Variants in VPS8 observed in about 807,000 individuals in gnomAD.
VPS8 encodes VPS8 subunit of CORVET complex.
A neutral mutation model predicts 216.4 loss-of-function variants in VPS8; 129 were observed. That is an observed-to-expected ratio of 0.60 (90% CI 0.52 to 0.69). The LOEUF (loss-of-function observed/expected upper bound fraction) is 0.69. Among genes scored for constraint, VPS8 ranks in the 30% least tolerant of loss-of-function variants. VPS8 has a pLI of 0.00. For missense variants in VPS8, 1,531 were observed against 1,683.5 expected (o/e 0.91, Z 1.59); for synonymous variants, 571 against 565.4 (o/e 1.01, Z -0.14).
Position 184,984,194 on chromosome 3 carries a change from A to AAAAAAAAACTCACCAAG in VPS8, c.3585+1100_3585+1101insAAAAAAAACTCACCAAG. 9.2e-4 allele frequency among the ~76,000 whole-genome samples: 43 copies of AAAAAAAAACTCACCAAG among 46,532 alleles called. 15 individuals are homozygous for AAAAAAAAACTCACCAAG. The highest frequency in any genetic ancestry group is 1.5e-3 in the Non-Finnish European group (36 of 24,752). 30.5% of individuals were successfully genotyped at this position (46,532 alleles called of 152,430 possible). A position where few individuals can be genotyped will look rare whatever the true frequency, so the allele number is the denominator to read the frequency against. ...GCGAGACTCCGTCTCAAAAAAAAAAACTCTACTTCCCATCTGATATTAAGC... is the reference window on the plus strand; with the variant it reads ...GCGAGACTCCGTCTCAAAAAAAAAAAAAAAAAAACTCACCAAGCTCTACTTCCCATCTGATATTAAGC... On this transcript the variant is annotated intron_variant, in intron 42 of 47. Transcript: ENST00000625842.
At chr3:184,960,108 G>A (rs545873590) in intron 37 of VPS8, among the ~76,000 whole-genome samples, 519 of 152,074 alleles carry the variant, frequency 3.4e-3, no homozygotes, top group Non-Finnish European at 4.6e-3. Flanking sequence ...TTGTCCTTGC[G>A]ATAGTTTGCT....
chr3:184,981,324 G>A (rs968752097), intron 40 of VPS8, among the ~76,000 whole-genome samples: 1 of 152,132 alleles, frequency 6.6e-6, no homozygotes, highest in African/African-American at 2.4e-5. Context: ...GGCATGACAG[G>A]TGCACATGCT....
intron 46 of VPS8, among the ~76,000 whole-genome samples, chr3:185,033,367 G>C (rs903374454): frequency 7.2e-5 from 11 of 152,192 alleles, no homozygotes; most frequent in African/African-American, 2.4e-4. Flanking sequence ...AGAATGGCAT[G>C]TAATCGCATA....
At chr3:184,851,480 T>TGTGC (rs1233840214) in intron 10 of VPS8, among the ~76,000 whole-genome samples, 1 of 152,228 alleles carries the variant, frequency 6.6e-6, no homozygotes, top group South Asian at 2.1e-4. Context: ...TGTGTGTGTG[T>TGTGC]GTGCGTTTAT....
Position 184,870,773 on chromosome 3 carries a change from G to A in VPS8, c.1702G>A (p.Gly568Arg). 6.2e-7 allele frequency: 1 copy of A among 1,612,270 alleles called. No homozygotes were observed. Among genetic ancestry groups the A allele is most frequent in the Non-Finnish European group, 8.5e-7 (1 of 1,179,132 alleles). The change falls in exon 21 of 48, where the codon GGA becomes AGA. Residue 568 changes from glycine (G) to arginine (R), a missense_variant. Gly to Arg is a moderately radical substitution (Grantham distance 125). This residue lies in a region of VPS8 where 1,318 missense variants were observed against 1,468.4 expected (regional missense o/e 0.90). Transcript: ENST00000625842. The part of the protein sequence containing the change: ...DRALKKCPDQ[G>R]KIQVMEQHFQ... ...AGCTCTGAAAAAGTGCCCAGACCAA[G>A]GAAAAATCCAAGTGATGGAGCAGCA...
chr3:184,888,455 C>T (rs559203435), intron 22 of VPS8, among the ~76,000 whole-genome samples: 1 of 152,264 alleles, frequency 6.6e-6, no homozygotes, highest in South Asian at 2.1e-4. Context: ...GAAAGCAAAG[C>T]GCCATGATAT....
At chr3:184,967,932 A>G (rs73188873) in intron 39 of VPS8, among the ~76,000 whole-genome samples, 31 of 152,274 alleles carry the variant, frequency 2.0e-4, no homozygotes, top group Non-Finnish European at 4.1e-4. Flanking sequence ...GTTCAGTAGC[A>G]TTAAGTATAT....
chr3:185,046,441 T>TTATCCAG (rs1235472841), intron 46 of VPS8, among the ~76,000 whole-genome samples: 1 of 152,218 alleles, frequency 6.6e-6, no homozygotes, highest in Non-Finnish European at 1.5e-5. Context: ...AATCTCATGG[T>TTATCCAG]GCCCACCTCT....
Position 184,924,999 on chromosome 3 carries a change from A to C in VPS8, c.2574+18A>C. ...TTGATCAGGTAAGTGTCTAGCAGTG[A>C]AAACTAAAAGGTTTTTTCCTGTTTA... On this transcript the variant is annotated intron_variant, in intron 30 of 47. Transcript: ENST00000625842. 1.2e-6 allele frequency: 2 copies of C among 1,608,434 alleles called. No individual in the cohort carries two copies. The highest frequency in any genetic ancestry group is 1.7e-6 in the Non-Finnish European group (2 of 1,177,542).
intron 21 of VPS8, among the ~76,000 whole-genome samples, chr3:184,875,989 CAA>C (rs557804099): frequency 3.1e-4 from 42 of 136,316 alleles, no homozygotes; most frequent in Non-Finnish European, 2.6e-4. Context: ...GACCCTGTCT[CAA>C]AAAAAAAAAA....
Position 185,024,352 on chromosome 3 carries a change from C to T in VPS8, c.4019C>T (p.Ser1340Leu), listed in dbSNP as rs1757061034. The part of the protein sequence containing the change: ...ITPSQVKMSP[S>L]YHQSKGDPTA... ...TTTTTCCAGGTAAAAATGTCTCCAT[C>T]GTATCATCAGTCCAAAGGGGATCCC... Residue 1340 changes from serine (S) to leucine (L), a missense_variant, in exon 46 of 48, where the codon TCG becomes TTG. Coordinates refer to ENST00000625842, the MANE Select transcript of VPS8 (RefSeq NM_001009921.3). The T allele has an allele frequency of 2.5e-6, 4 of 1,596,230 alleles. No homozygotes were observed. Among genetic ancestry groups the T allele is most frequent in the South Asian group, 1.1e-5 (1 of 87,542 alleles).
intron 14 of VPS8, among the ~76,000 whole-genome samples, chr3:184,857,882 C>T (rs1318444855): frequency 7.2e-5 from 11 of 152,158 alleles, no homozygotes; most frequent in Non-Finnish European, 1.5e-4. Context: ...AGATATATGG[C>T]TCTAGATCCC....
At chr3:184,915,328 A>G (rs184717110) in intron 27 of VPS8, 27 bp from the exon 28 acceptor site, 64 of 1,606,188 alleles carry the variant, frequency 4.0e-5, no homozygotes, top group Non-Finnish European at 5.3e-5. Flanking sequence ...GTGAGAAAAT[A>G]ATCAACATTT....
intron 30 of VPS8, 143 bp downstream of exon 30, chr3:184,925,124 A>AG: frequency 7.1e-6 from 8 of 1,130,008 alleles, no homozygotes; most frequent in South Asian, 3.3e-5. Context: ...GATCTAAGTT[A>AG]GGGGGGTATG....
intron 28 of VPS8, among the ~76,000 whole-genome samples, chr3:184,918,707 T>C (rs1372883986): frequency 1.3e-5 from 2 of 152,226 alleles, no homozygotes; most frequent in African/African-American, 4.8e-5. Flanking sequence ...GTGTTAATTC[T>C]CCATGGTTTT....
At chr3:184,940,108 A>G in intron 35 of VPS8, 89 bp from the exon 36 acceptor site, 1 of 587,888 alleles carries the variant, frequency 1.7e-6, no homozygotes, top group Non-Finnish European at 2.7e-6. Flanking sequence ...CTGTGCATAA[A>G]GGGATAGGTT....
rs1236203181 is a variant in VPS8 at position 184,862,932 on chromosome 3, C to T, written c.1260C>T (p.Ser420=). 27 of 1,613,650 alleles carry T rather than the reference C, an allele frequency of 1.7e-5. No individual in the cohort carries two copies. The highest frequency in any genetic ancestry group is 1.9e-5 in the Non-Finnish European group (23 of 1,179,804). The stretch of plus-strand genomic sequence containing the variant: ...CACGCACAGTTGTGCTCTTAGACAG[C>T]GTAGAGAAGTTGCATGTGATTGATC... The part of the protein sequence containing the change: ...INSRTVVLLD[S]VEKLHVIDRQ... Residue 420 remains serine, a synonymous_variant, in exon 16 of 48, where the codon AGC becomes AGT. Coordinates refer to ENST00000625842, the MANE Select transcript of VPS8 (RefSeq NM_001009921.3).
chr3:185,008,901 A>C (rs1754612198), intron 45 of VPS8, among the ~76,000 whole-genome samples: 1 of 152,238 alleles, frequency 6.6e-6, no homozygotes, highest in South Asian at 2.1e-4. Context: ...ATAGGTACTT[A>C]ATTGACATAA....
At chr3:184,812,417 G>A (rs748850263) in intron 1 of VPS8, 192 bp downstream of exon 1, 3 of 152,210 alleles carry the variant, frequency 2.0e-5, no homozygotes, top group Non-Finnish European at 1.5e-5. Flanking sequence ...GCCGGGCGGG[G>A]TTGATTCTCG....
Sources: allele counts gnomAD v4.1 joint callset (sites outside exome capture counted in the v4.1 genomes callset), GRCh38; gene constraint gnomAD v4.1.1; regional missense constraint gnomAD v4.1.1; transcripts MANE v1.5; gene names NCBI Gene and HGNC (gene_info 2026-07-23, HGNC 2026-07-21).